The following ZNF536 variants were observed in gnomAD, a reference collection of about 807,000 sequenced individuals.
ZNF536 encodes the protein zinc finger protein 536.
ZNF536 carries 13 observed loss-of-function variants against 84.5 expected under a neutral mutation model. That is an observed-to-expected ratio of 0.15 (90% CI 0.10 to 0.24). The LOEUF (loss-of-function observed/expected upper bound fraction) is 0.24, where lower values mean the gene tolerates loss of function less well. ZNF536 is among the 10% of genes least tolerant of loss of function. ZNF536 has a pLI of 1.00. For missense variants in ZNF536, 1,536 were observed against 1,747.5 expected, an observed-to-expected ratio of 0.88 and a Z score of 2.16; for synonymous variants, 811 against 742.5, an observed-to-expected ratio of 1.09 and a Z score of -1.50.
In ZNF536 at chr19:30,489,760, G is replaced by A. The variant is rs375974088; in HGVS notation, c.2170+44028G>A. 1.2e-3 allele frequency among the ~76,000 whole-genome samples: 187 copies of A among 152,292 alleles called. 4 individuals carry two copies. In the South Asian group the frequency reaches 0.034, roughly 27 times the overall value. ...TATAAAAGTGATACTGACAGTCGTC[G>A]TCAGGTAGTAGAATCTGAAGTTATT... On this transcript the variant is annotated intron_variant, in intron 2 of 4. Transcript: ENST00000355537.
intron 1 of ZNF536, among the ~76,000 whole-genome samples, chr19:30,250,416 T>A (rs2024541308): frequency 6.6e-6 from 1 of 152,142 alleles, no homozygotes; most frequent in South Asian, 2.1e-4. Flanking sequence ...CTTGGGGCAA[T>A]GAGCTGCGTG....
Position 30,654,640 on chromosome 19 carries a change from G to A in ZNF536, c.170-56117G>A, listed in dbSNP as rs542099399. Among the ~76,000 whole-genome samples the A allele has an allele frequency of 3.3e-5, 5 of 152,296 alleles. No homozygotes were observed. The East Asian group carries it at 9.7e-4, about 29-fold the overall frequency. The stretch of plus-strand genomic sequence containing the variant: ...TGGGCGGTGGCTATCTAGGTCTTTA[G>A]TTCTTTTAACCGGGCGATTGTTGCT... On this transcript the variant is annotated intron_variant, in intron 1 of 1. Coordinates refer to the ZNF536 transcript ENST00000592773.
intron 2 of ZNF536, among the ~76,000 whole-genome samples, chr19:30,313,953 G>A (rs1025496352): frequency 4.6e-5 from 7 of 152,200 alleles, no homozygotes; most frequent in Non-Finnish European, 1.0e-4. Flanking sequence ...TAACACAGAT[G>A]TAAGGAAGTT....
At chr19:30,565,563 T>C (rs553549975) in intron 1 of ZNF536, among the ~76,000 whole-genome samples, 1 of 152,344 alleles carries the variant, frequency 6.6e-6, no homozygotes, top group South Asian at 2.1e-4. Context: ...CCCACAGTCT[T>C]TTTTCTTTTT....
intron 1 of ZNF536, among the ~76,000 whole-genome samples, chr19:30,624,632 G>A (rs924219441): frequency 6.6e-6 from 1 of 152,140 alleles, no homozygotes. Flanking sequence ...TGGAGTCTTG[G>A]TGTTGAGGAT....
intron 2 of ZNF536, among the ~76,000 whole-genome samples, chr19:30,466,739 GGGAAGGAAGAAAGGAGGGAAGGAA>G (rs1304192648): frequency 0.12 from 14,695 of 122,508 alleles, 1,263 homozygotes; most frequent in East Asian, 0.32. Context: ...GAGGGAGGGA[GGGAAGGAAGAAAGGAGGGAAGGAA>G]GGAAGGAAGG....
At chr19:30,242,880 G>A (rs76255371) in intron 1 of ZNF536, among the ~76,000 whole-genome samples, 4,353 of 152,124 alleles carry the variant, frequency 0.029, 101 homozygotes, top group Non-Finnish European at 0.039. Context: ...ATATGTCCTG[G>A]CTGTTTGGAT....
rs576681715 is a variant in ZNF536 at position 30,648,039 on chromosome 19, G to A, written c.170-62718G>A. 1.4e-3 allele frequency among the ~76,000 whole-genome samples: 207 copies of A among 152,276 alleles called. 1 individual carries two copies. The highest frequency in any genetic ancestry group is 4.7e-3 in the African/African-American group (197 of 41,552). On this transcript the variant is annotated intron_variant, in intron 1 of 1. Transcript: ENST00000592773. The stretch of plus-strand genomic sequence containing the variant: ...CCTCCAATTTTCCTCACACCTGAGG[G>A]ATGCATCGGTTCTCCTATGGCTCGC...
intron 1 of ZNF536, among the ~76,000 whole-genome samples, chr19:30,611,622 A>T (rs1377540054): frequency 6.6e-6 from 1 of 152,160 alleles, no homozygotes; most frequent in Admixed American, 6.5e-5. Flanking sequence ...AAATTTGGGC[A>T]ATCTGGGTAG....
chr19:30,662,495 T>C (rs1442093515), intron 1 of ZNF536, among the ~76,000 whole-genome samples: 1 of 152,216 alleles, frequency 6.6e-6, no homozygotes, highest in Non-Finnish European at 1.5e-5. Flanking sequence ...ATCTGGATTA[T>C]GTCAGTTGAA....
At chr19:30,502,732 G>C (rs1457698487) in intron 2 of ZNF536, among the ~76,000 whole-genome samples, 1 of 152,166 alleles carries the variant, frequency 6.6e-6, no homozygotes, top group Non-Finnish European at 1.5e-5. Context: ...TGTCCGCAGA[G>C]TTCTGTGTTG....
intron 1 of ZNF536, among the ~76,000 whole-genome samples, chr19:30,229,279 A>T (rs896724446): frequency 4.6e-5 from 7 of 152,064 alleles, no homozygotes; most frequent in Non-Finnish European, 1.0e-4. Flanking sequence ...TTTGCTAAAG[A>T]CAGGGTCACC....
At chr19:30,424,799 G>A (rs1488433176) in intron 1 of ZNF536, among the ~76,000 whole-genome samples, 4 of 152,142 alleles carry the variant, frequency 2.6e-5, no homozygotes, top group Admixed American at 2.6e-4. Flanking sequence ...CAGACCCCTG[G>A]GCAAATGGCT....
chr19:30,397,773 A>G (rs2049881712), intron 1 of ZNF536, among the ~76,000 whole-genome samples: 1 of 152,208 alleles, frequency 6.6e-6, no homozygotes, highest in African/African-American at 2.4e-5. Context: ...AGCTTGGACA[A>G]GGGGGTCTGA....
At chr19:30,431,788 C>T (rs1233940182) in intron 1 of ZNF536, among the ~76,000 whole-genome samples, 1 of 152,122 alleles carries the variant, frequency 6.6e-6, no homozygotes, top group Non-Finnish European at 1.5e-5. Flanking sequence ...GTTCCCAGGG[C>T]AGGGGCTGTG....
intron 2 of ZNF536, among the ~76,000 whole-genome samples, chr19:30,510,667 A>G (rs745947908): frequency 6.6e-6 from 1 of 152,162 alleles, no homozygotes; most frequent in African/African-American, 2.4e-5. Context: ...CTATGGTTGC[A>G]AGGAAGCAGA....
intron 1 of ZNF536, among the ~76,000 whole-genome samples, chr19:30,640,212 A>G (rs552673883): frequency 7.3e-6 from 1 of 137,526 alleles, no homozygotes; most frequent in East Asian, 2.2e-4. Context: ...ACGCCACTGC[A>G]TTCCAGCCTG....
At chr19:30,587,795 A>G (rs1052855261) in intron 1 of ZNF536, among the ~76,000 whole-genome samples, 23 of 152,218 alleles carry the variant, frequency 1.5e-4, no homozygotes, top group Admixed American at 6.5e-4. Context: ...GACGAGGGAG[A>G]AGCCCGGAGC....
Position 30,451,710 on chromosome 19 carries a change from T to TTCTCTGGCG in ZNF536, c.2170+5979_2170+5987dup, listed in dbSNP as rs1175438454. Among the ~76,000 whole-genome samples the TTCTCTGGCG allele has an allele frequency of 2.6e-5, 4 of 152,156 alleles. No individual in the cohort carries two copies. The East Asian group carries it at 7.7e-4, about 29-fold the overall frequency. ...AGGCCGCGGAGTCACTCAAATGTGTTTCTCTGGCGGCCTCACTTGGCCCAT... is the reference window on the plus strand; with the variant it reads ...AGGCCGCGGAGTCACTCAAATGTGTTTCTCTGGCGTCTCTGGCGGCCTCACTTGGCCCAT... On this transcript the variant is annotated intron_variant, in intron 2 of 4. Transcript: ENST00000355537.
Sources: allele counts gnomAD v4.1 joint callset (sites outside exome capture counted in the v4.1 genomes callset), GRCh38; gene constraint gnomAD v4.1.1; transcripts MANE v1.5; gene names NCBI Gene and HGNC (gene_info 2026-07-23, HGNC 2026-07-21).